The following MAF variants were observed in gnomAD, a reference collection of about 807,000 sequenced individuals.
The protein encoded by MAF is MAF bZIP transcription factor, also known as transcription factor Maf.
A neutral mutation model predicts 22.0 loss-of-function variants in MAF; 10 were observed. That is an observed-to-expected ratio of 0.45 (90% CI 0.28 to 0.77). MAF has a LOEUF of 0.77. Among genes scored for constraint, MAF ranks in the 30% least tolerant of loss-of-function variants. The pLI, the probability that MAF is intolerant of heterozygous loss-of-function variation, is 0.12. For missense variants in MAF, 544 were observed against 548.4 expected, an observed-to-expected ratio of 0.99 and a Z score of 0.08; for synonymous variants, 337 against 255.8, an observed-to-expected ratio of 1.32 and a Z score of -3.03.
chr16:79,438,702 C>G, the MAF span, among the ~76,000 whole-genome samples: 1 of 152,138 alleles, frequency 6.6e-6, no homozygotes, highest in African/African-American at 2.4e-5. Context: ...TCTCTTGGCA[C>G]GGTCCTCCGT....
chr16:79,528,069 G>T, the MAF span, among the ~76,000 whole-genome samples: 4 of 152,182 alleles, frequency 2.6e-5, no homozygotes, highest in African/African-American at 9.6e-5. Context: ...TTGAACCTGG[G>T]AGGTGGAGGT....
At chr16:79,550,453 C>G in the MAF span, among the ~76,000 whole-genome samples, 7 of 152,134 alleles carry the variant, frequency 4.6e-5, no homozygotes, top group African/African-American at 1.7e-4. Context: ...ACTCCCAGGT[C>G]TTTGACTCTT....
the MAF span, among the ~76,000 whole-genome samples, chr16:79,476,791 T>G: frequency 1.3e-5 from 2 of 152,342 alleles, no homozygotes; most frequent in East Asian, 3.9e-4. Flanking sequence ...CTGTCACCCA[T>G]TACCTGGGTA....
chr16:79,284,623 A>G, the MAF span, among the ~76,000 whole-genome samples: 1 of 152,240 alleles, frequency 6.6e-6, no homozygotes, highest in East Asian at 1.9e-4. Flanking sequence ...GATAATAATA[A>G]TGTTAGTCAT....
chr16:79,534,096 T>A, the MAF span, among the ~76,000 whole-genome samples: 1 of 152,242 alleles, frequency 6.6e-6, no homozygotes, highest in African/African-American at 2.4e-5. Context: ...GAGATCAGAA[T>A]CTACTTGCCT....
the MAF span, among the ~76,000 whole-genome samples, chr16:79,445,372 C>T: frequency 3.3e-5 from 5 of 152,132 alleles, no homozygotes; most frequent in African/African-American, 1.2e-4. Context: ...GTATCAGTTC[C>T]CGGGAGAAGC....
the MAF span, among the ~76,000 whole-genome samples, chr16:79,500,266 G>T: frequency 6.6e-6 from 1 of 152,176 alleles, no homozygotes; most frequent in Non-Finnish European, 1.5e-5. Context: ...GAGAGAGAGG[G>T]AGAAAGGAAC....
chr16:79,394,801 C>T, the MAF span, among the ~76,000 whole-genome samples: 4 of 152,140 alleles, frequency 2.6e-5, no homozygotes, highest in African/African-American at 9.7e-5. Flanking sequence ...GTTTTTAAAG[C>T]TCTAGGGTGA....
chr16:79,422,765 A>T, the MAF span, among the ~76,000 whole-genome samples: 98 of 152,242 alleles, frequency 6.4e-4, 1 homozygote, highest in African/African-American at 2.4e-3. Flanking sequence ...CCATTCTATT[A>T]TGTTGGTGCG....
At chr16:79,228,100 G>A in the MAF span, among the ~76,000 whole-genome samples, 2 of 152,112 alleles carry the variant, frequency 1.3e-5, no homozygotes, top group East Asian at 3.9e-4. Flanking sequence ...ATAAGGTCTT[G>A]CTATGTTGCC....
the MAF span, among the ~76,000 whole-genome samples, chr16:79,442,766 A>C: frequency 6.6e-6 from 1 of 152,328 alleles, no homozygotes; most frequent in East Asian, 1.9e-4. Flanking sequence ...GGCTGAAGAG[A>C]GGCCTTGGAA....
At chr16:79,521,338 G>T in the MAF span, among the ~76,000 whole-genome samples, 1 of 152,220 alleles carries the variant, frequency 6.6e-6, no homozygotes, top group South Asian at 2.1e-4. Context: ...TGGTTTAATG[G>T]ATGTTCCTTC....
the MAF span, among the ~76,000 whole-genome samples, chr16:79,304,398 A>T: frequency 6.6e-6 from 1 of 152,204 alleles, no homozygotes; most frequent in Admixed American, 6.5e-5. Context: ...CAGAAAGGAA[A>T]TGTGGACTCT....
chr16:79,295,781 C>T, the MAF span, among the ~76,000 whole-genome samples: 1 of 152,222 alleles, frequency 6.6e-6, no homozygotes, highest in Non-Finnish European at 1.5e-5. Context: ...AAGTGGTCCA[C>T]AAGAACTTTT....
At chr16:79,384,746 G>C in the MAF span, among the ~76,000 whole-genome samples, 126 of 152,196 alleles carry the variant, frequency 8.3e-4, 3 homozygotes, top group African/African-American at 2.8e-3. Context: ...AGCAGGGAGA[G>C]ACTCTGTCTC....
chr16:79,586,691 G>C (rs1242737145), intron 1 of MAF, among the ~76,000 whole-genome samples: 3 of 152,310 alleles, frequency 2.0e-5, no homozygotes, highest in East Asian at 1.9e-4. Context: ...ACTAATGTAA[G>C]TGGCAAAATA....
At chr16:79,218,203 T>A in the MAF span, among the ~76,000 whole-genome samples, 1 of 152,030 alleles carries the variant, frequency 6.6e-6, no homozygotes, top group African/African-American at 2.4e-5. Flanking sequence ...CAAGGATTCA[T>A]GGTATTTGGC....
chr16:79,485,862 A>G, the MAF span, among the ~76,000 whole-genome samples: 1 of 152,190 alleles, frequency 6.6e-6, no homozygotes, highest in Admixed American at 6.5e-5. Flanking sequence ...GAGCATATGA[A>G]TGAATTAGCA....
chr16:79,397,523 C>A, the MAF span, among the ~76,000 whole-genome samples: 1 of 152,086 alleles, frequency 6.6e-6, no homozygotes, highest in African/African-American at 2.4e-5. Flanking sequence ...CTGCCTGACT[C>A]TAATATTGTA....
Sources: gnomAD v4.1 joint callset for allele counts (sites outside exome capture counted in the v4.1 genomes callset) on GRCh38, gnomAD v4.1.1 for gene constraint, MANE v1.5 for transcripts, NCBI Gene and HGNC (gene_info 2026-07-23, HGNC 2026-07-21) for gene names.